HIVEP3: variants seen among roughly 807,000 people sequenced by gnomAD.
HIVEP3 encodes transcription factor HIVEP3.
HIVEP3 carries 49 observed loss-of-function variants against 152.8 expected under a neutral mutation model. The observed-to-expected ratio is 0.32, with a 90% confidence interval of 0.26 to 0.41. HIVEP3 has a LOEUF of 0.41. Ranked by LOEUF, HIVEP3 falls within the 10% of genes least tolerant of loss-of-function variation. HIVEP3 has a pLI of 1.00. For synonymous variants in HIVEP3, 1,269 were observed against 1,289.0 expected, an observed-to-expected ratio of 0.98 and a Z score of 0.33; for missense variants, 2,790 against 3,103.3, an observed-to-expected ratio of 0.90 and a Z score of 2.40.
At chr1:41,516,390 C>T (rs1488245383) in intron 7 of HIVEP3, among the ~76,000 whole-genome samples, 1 of 152,246 alleles carries the variant, frequency 6.6e-6, no homozygotes, top group Non-Finnish European at 1.5e-5. Flanking sequence ...GCCGCTCCCC[C>T]CGGCATCTGT....
intron 1 of HIVEP3, among the ~76,000 whole-genome samples, chr1:41,805,302 A>G (rs1650537593): frequency 6.6e-6 from 1 of 152,254 alleles, no homozygotes; most frequent in South Asian, 2.1e-4. Flanking sequence ...ATGCCACTGC[A>G]TTCTAGCCTA....
intron 1 of HIVEP3, among the ~76,000 whole-genome samples, chr1:41,703,003 G>T (rs992646255): frequency 1.3e-5 from 2 of 152,130 alleles, no homozygotes; most frequent in African/African-American, 4.8e-5. Flanking sequence ...ACCCTTGCCC[G>T]GTGCTTTTTC....
At chr1:41,990,603 G>C (rs1293790169) in intron 1 of HIVEP3, among the ~76,000 whole-genome samples, 1 of 148,656 alleles carries the variant, frequency 6.7e-6, no homozygotes, top group African/African-American at 2.5e-5. Context: ...GAGACAGAAA[G>C]TCAACAAGGA....
At chr1:41,552,399 G>C (rs1347815137) in intron 5 of HIVEP3, among the ~76,000 whole-genome samples, 1 of 137,204 alleles carries the variant, frequency 7.3e-6, no homozygotes, top group Non-Finnish European at 1.5e-5. Flanking sequence ...CCCAGAGTGT[G>C]ATGTTCCCTT....
chr1:41,959,157 G>A (rs748062682), intron 1 of HIVEP3, among the ~76,000 whole-genome samples: 13 of 152,268 alleles, frequency 8.5e-5, no homozygotes, highest in Middle Eastern at 3.4e-3. Context: ...AGCTCCTGAT[G>A]CTGCTAAACA....
chr1:41,771,413 T>G (rs1648359297), intron 1 of HIVEP3, among the ~76,000 whole-genome samples: 1 of 152,144 alleles, frequency 6.6e-6, no homozygotes, highest in Admixed American at 6.5e-5. Context: ...GAAGTTAAAC[T>G]TTAGCCAAAT....
At chr1:41,774,771 A>ATTTT (rs1487342239) in intron 1 of HIVEP3, among the ~76,000 whole-genome samples, 2 of 122,682 alleles carry the variant, frequency 1.6e-5, no homozygotes, top group South Asian at 5.0e-4. Context: ...AGCATCTTTT[A>ATTTT]TTTTATTTAT....
At chr1:41,568,980 G>C (rs1197191088) in intron 5 of HIVEP3, among the ~76,000 whole-genome samples, 1 of 152,144 alleles carries the variant, frequency 6.6e-6, no homozygotes, top group Non-Finnish European at 1.5e-5. Flanking sequence ...AGTGAGTTCT[G>C]AGATCTGGTT....
At chr1:41,925,993 CTTCCTTT>C (rs1279706502) in intron 1 of HIVEP3, among the ~76,000 whole-genome samples, 2 of 152,054 alleles carry the variant, frequency 1.3e-5, no homozygotes, top group East Asian at 3.9e-4. Context: ...TCATGCTTCC[CTTCCTTT>C]TTCCTTTTGC....
At chr1:41,667,571 C>T (rs1225750213) in intron 2 of HIVEP3, among the ~76,000 whole-genome samples, 1 of 152,226 alleles carries the variant, frequency 6.6e-6, no homozygotes, top group Admixed American at 6.5e-5. Flanking sequence ...GCAAGATCAT[C>T]AATAACAACA....
chr1:41,840,228 T>A lies in HIVEP3; in HGVS notation c.-801+78185A>T, dbSNP rs148549959. 7.2e-3 allele frequency among the ~76,000 whole-genome samples: 1,091 copies of A among 152,258 alleles called. 3 individuals carry two copies. Among genetic ancestry groups the A allele is most frequent in the Non-Finnish European group, 0.011 (754 of 68,018 alleles). On this transcript the variant is annotated intron_variant, in intron 1 of 8. Coordinates refer to ENST00000372583, the MANE Select transcript of HIVEP3 (RefSeq NM_024503.5). ...CCAGAGCCTCAAAATGTGACCTTAT[T>A]TGGAAATAGAGTCTTTGCAGATATC...
intron 4 of HIVEP3, 108 bp downstream of exon 4, chr1:41,579,629 T>A: frequency 7.7e-7 from 1 of 1,299,674 alleles, no homozygotes; most frequent in Non-Finnish European, 1.1e-6. Context: ...ATCTGACTAC[T>A]AGTCTGGCTC....
chr1:41,685,149 C>A (rs923825466), intron 2 of HIVEP3, among the ~76,000 whole-genome samples: 3 of 152,198 alleles, frequency 2.0e-5, no homozygotes, highest in East Asian at 1.9e-4. Flanking sequence ...CTTGGAGGAA[C>A]ACACAAGAGG....
chr1:41,816,586 T>A (rs923663405), intron 1 of HIVEP3, among the ~76,000 whole-genome samples: 1 of 151,974 alleles, frequency 6.6e-6, no homozygotes, highest in Non-Finnish European at 1.5e-5. Flanking sequence ...GGCTGAGACA[T>A]GAGGATTGCT....
At chr1:41,635,370 A>G (rs1012269717) in intron 2 of HIVEP3, among the ~76,000 whole-genome samples, 3 of 152,078 alleles carry the variant, frequency 2.0e-5, no homozygotes, top group Admixed American at 6.5e-5. Flanking sequence ...AAATGAGTTA[A>G]GCACATAACC....
chr1:41,562,347 G>A (rs1004560520), intron 5 of HIVEP3, among the ~76,000 whole-genome samples: 1 of 152,226 alleles, frequency 6.6e-6, no homozygotes, highest in Non-Finnish European at 1.5e-5. Context: ...GGGTCTGGGG[G>A]TGGGGCTGAG....
rs1278581561 is a variant in HIVEP3 at position 41,533,267 on chromosome 1, G to C, written c.5208-8357C>G. Among the ~76,000 whole-genome samples the C allele has an allele frequency of 1.3e-5, 2 of 152,090 alleles. No individual in the cohort carries two copies. The highest frequency in any genetic ancestry group is 4.8e-5 in the African/African-American group (2 of 41,394). ...TCCCCAAGCCTGAGGTAGACCTGCC[G>C]GGCTCTGGGTCCAGCTCCTCCTGCG... On this transcript the variant is annotated intron_variant, in intron 5 of 8. Coordinates refer to ENST00000372583, the MANE Select transcript of HIVEP3 (RefSeq NM_024503.5). This position sits in a 1 kb window ranked among gnomAD's most constrained non-coding sequence, Gnocchi z 4.3.
At chr1:41,691,553 T>G (rs1399679009) in intron 2 of HIVEP3, among the ~76,000 whole-genome samples, 4 of 152,156 alleles carry the variant, frequency 2.6e-5, no homozygotes, top group Non-Finnish European at 5.9e-5. Flanking sequence ...AAGAAAGACT[T>G]CTCATCCTCT....
chr1:41,764,380 C>A lies in HIVEP3; in HGVS notation c.-800-63385G>T, dbSNP rs533708142. Among the ~76,000 whole-genome samples, 8 of 152,212 alleles carry A rather than the reference C, an allele frequency of 5.3e-5. No individual in the cohort carries two copies. The South Asian group carries it at 1.7e-3, about 32-fold the overall frequency. On this transcript the variant is annotated intron_variant, in intron 1 of 8. Transcript: ENST00000372583. ...GCAGGTGTAAGAAACATCGTAGGAG[C>A]GGATTTAACTGAGTGCCTTCACTGA...
Sources: allele counts gnomAD v4.1 joint callset (sites outside exome capture counted in the v4.1 genomes callset), GRCh38; gene constraint gnomAD v4.1.1; non-coding constraint Gnocchi (gnomAD v3.1); transcripts MANE v1.5; gene names NCBI Gene and HGNC (gene_info 2026-07-23, HGNC 2026-07-21).